Variants in JADE2 observed in about 807,000 individuals in gnomAD.
JADE2 encodes the protein jade family PHD finger 2.
JADE2 carries 13 observed loss-of-function variants against 85.7 expected under a neutral mutation model. The ratio of observed to expected loss-of-function variants is 0.15; its 90% CI spans 0.10 to 0.24. JADE2 has a LOEUF of 0.24. Among genes scored for constraint, JADE2 ranks in the 10% least tolerant of loss-of-function variants. The pLI is 1.00. For synonymous variants in JADE2, 440 were observed against 456.1 expected (o/e 0.96, Z 0.45); for missense variants, 846 against 1,115.9 (o/e 0.76, Z 3.45).
At chr5:134,531,055 C>T (rs377569432) in intron 1 of JADE2, among the ~76,000 whole-genome samples, 47 of 152,280 alleles carry the variant, frequency 3.1e-4, no homozygotes, top group African/African-American at 1.0e-3. Context: ...ATGGGTATTC[C>T]GTGGACACTG....
chr5:134,578,967 C>G lies in JADE2; in HGVS notation c.2155C>G (p.Pro719Ala), dbSNP rs772806125. ...PILATPESPP[P>A]LAPETPDEAA... is the part of the protein sequence containing the mutation. ...CCTAGCCACCCCTGAAAGCCCCCCGCCACTGGCCCCTGAGACCCCGGACGA... is the reference window on the plus strand; with the variant it reads ...CCTAGCCACCCCTGAAAGCCCCCCGGCACTGGCCCCTGAGACCCCGGACGA... Residue 719 changes from proline to alanine, a missense_variant, in exon 12 of 12, where the codon CCA becomes GCA. By Grantham distance (27) the Pro-to-Ala change is conservative. Coordinates refer to ENST00000681547, the MANE Select transcript of JADE2 (RefSeq NM_001388185.1). The surrounding 1 kb of genome is among the most constrained non-coding windows in gnomAD (Gnocchi z 4.4). 1 of 1,613,288 alleles carries G rather than the reference C, an allele frequency of 6.2e-7. No homozygotes were observed.
intron 4 of JADE2, among the ~76,000 whole-genome samples, chr5:134,553,283 T>C (rs1762708185): frequency 6.6e-6 from 1 of 151,928 alleles, no homozygotes; most frequent in Non-Finnish European, 1.5e-5. Flanking sequence ...AAAGCAGTTC[T>C]GATGAGGGAA....
intron 9 of JADE2, among the ~76,000 whole-genome samples, chr5:134,567,512 G>C (rs1209946412): frequency 1.1e-4 from 16 of 152,138 alleles, no homozygotes; most frequent in Admixed American, 1.0e-3. Flanking sequence ...AGAGCATATG[G>C]GACCGTGTCA....
In JADE2 at chr5:134,579,249, G is replaced by A; in HGVS notation, c.2437G>A (p.Gly813Arg). The change falls in exon 12 of 12, where the codon GGG (glycine) becomes AGG (arginine). Residue 813 changes from glycine (G) to arginine (R), a missense_variant. Around this residue, in one of 9 missense-constraint regions of JADE2, gnomAD observed 300 missense variants for 300.7 expected, o/e 1.00. Transcript: ENST00000681547. The surrounding 1 kb of genome is among the most constrained non-coding windows in gnomAD (Gnocchi z 4.6). ...CTCAGATGTAGAGGCCGAGGACGGT[G>A]GGGTGCAGCGGGGTCCCCGGGAGGC... ...SDSDVEAEDGGVQRGPREAGA... is the reference protein window; with the variant it reads ...SDSDVEAEDGRVQRGPREAGA... 6.2e-7 allele frequency: 1 copy of A among 1,613,904 alleles called. No individual in the cohort carries two copies. Among genetic ancestry groups the A allele is most frequent in the East Asian group, 2.2e-5 (1 of 44,874 alleles).
chr5:134,579,277 G>C lies in JADE2; in HGVS notation c.2465G>C (p.Gly822Ala). Residue 822 changes from glycine (G) to alanine (A), a missense_variant, in exon 12 of 12, where the codon GGG (glycine) becomes GCG (alanine). Coordinates refer to ENST00000681547, the MANE Select transcript of JADE2 (RefSeq NM_001388185.1). This position sits in a 1 kb window ranked among gnomAD's most constrained non-coding sequence, Gnocchi z 4.6. ...GGVQRGPREAGAEEVVRMGVL... is the reference protein window; with the variant it reads ...GGVQRGPREAAAEEVVRMGVL... ...GTGCAGCGGGGTCCCCGGGAGGCAG[G>C]GGCAGAGGAGGTGGTCCGCATGGGC... The C allele has an allele frequency of 1.2e-6, 2 of 1,612,988 alleles. No homozygotes were observed. Among genetic ancestry groups the C allele is most frequent in the South Asian group, 2.2e-5 (2 of 91,040 alleles).
rs763968541 is a variant in JADE2 at position 134,579,280 on chromosome 5, C to T, written c.2468C>T (p.Ala823Val). Residue 823 changes from alanine (A) to valine (V), a missense_variant, in exon 12 of 12, where the codon GCA (alanine) becomes GTA (valine). Transcript: ENST00000681547. This position sits in a 1 kb window ranked among gnomAD's most constrained non-coding sequence, Gnocchi z 4.6. ...CAGCGGGGTCCCCGGGAGGCAGGGG[C>T]AGAGGAGGTGGTCCGCATGGGCGTA... ...GVQRGPREAG[A>V]EEVVRMGVLA... 2.5e-6 allele frequency: 4 copies of T among 1,612,664 alleles called. No homozygotes were observed. The South Asian group carries it at 4.4e-5, about 18-fold the overall frequency.
Position 134,578,047 on chromosome 5 carries a change from G to A in JADE2, c.1682-447G>A, listed in dbSNP as rs1437790073. Among the ~76,000 whole-genome samples, 4 of 152,142 alleles carry A rather than the reference G, an allele frequency of 2.6e-5. No individual in the cohort carries two copies. Among genetic ancestry groups the A allele is most frequent in the Admixed American group, 6.5e-5 (1 of 15,272 alleles). On this transcript the variant is annotated intron_variant, in intron 11 of 11. Transcript: ENST00000681547. The surrounding 1 kb of genome is among the most constrained non-coding windows in gnomAD (Gnocchi z 4.4). ...GGGGGTAGTGGGCAGGTCCAACTTCGTGGGTAGCAACCTGTGCAGTGCCAC... is the reference window on the plus strand; with the variant it reads ...GGGGGTAGTGGGCAGGTCCAACTTCATGGGTAGCAACCTGTGCAGTGCCAC...
chr5:134,526,186 C>A (rs370585780), intron 1 of JADE2, 175 bp downstream of exon 1: 1 of 985,522 alleles, frequency 1.0e-6, no homozygotes. Flanking sequence ...GGGGGATGCA[C>A]AGCACAGGGG....
intron 1 of JADE2, among the ~76,000 whole-genome samples, chr5:134,532,405 T>C (rs1214837568): frequency 6.6e-6 from 1 of 152,124 alleles, no homozygotes; most frequent in East Asian, 1.9e-4. Flanking sequence ...TTTTGCTTCA[T>C]TGAGGGGACT....
rs1217256392 is a variant in JADE2, at chr5:134,560,918, G to A, written c.645G>A (p.Glu215=). The change falls in exon 6 of 12, where the codon GAG becomes GAA. Residue 215 remains glutamate, a synonymous_variant. Transcript: ENST00000681547. ...CRSPEGEDGN[E]MVFCDKCNVC... The stretch of plus-strand genomic sequence containing the variant: ...CTCCTGAGGGCGAGGATGGCAACGA[G>A]ATGGTCTTCTGTGACAAGTGCAACG... The A allele has an allele frequency of 6.2e-7, 1 of 1,614,046 alleles. No homozygotes were observed. The highest frequency in any genetic ancestry group is 8.5e-7 in the Non-Finnish European group (1 of 1,180,010).
intron 3 of JADE2, among the ~76,000 whole-genome samples, chr5:134,539,058 T>A (rs1437737141): frequency 6.8e-6 from 1 of 147,992 alleles, no homozygotes; most frequent in Non-Finnish European, 1.5e-5. Flanking sequence ...TTTATTTATT[T>A]ATTTATTTAT....
chr5:134,540,385 AT>A lies in JADE2; in HGVS notation c.153+2313del, dbSNP rs1327455496. Among the ~76,000 whole-genome samples the A allele has an allele frequency of 1.0e-3, 148 of 142,976 alleles. 1 individual carries two copies. Among genetic ancestry groups the A allele is most frequent in the African/African-American group, 2.0e-3 (78 of 38,842 alleles). 93.8% of individuals were successfully genotyped at this position (142,976 alleles called of 152,430 possible). A position where few individuals can be genotyped will look rare whatever the true frequency, so the allele number is the denominator to read the frequency against. ...AGGTGCACACCACTATGCCTGGCTA[AT>A]TTTTTTTTTTGTCTTTTTTTTTTTT... is the stretch of plus-strand genomic sequence containing the variant. On this transcript the variant is annotated intron_variant, in intron 3 of 11. Transcript: ENST00000681547.
chr5:134,540,648 T>C, intron 3 of JADE2, among the ~76,000 whole-genome samples: 1 of 152,314 alleles, frequency 6.6e-6, no homozygotes, highest in East Asian at 1.9e-4. Context: ...GTCGTGCCCA[T>C]TTCAGACATG....
At chr5:134,534,532 A>G (rs1275601695) in intron 1 of JADE2, among the ~76,000 whole-genome samples, 3 of 152,088 alleles carry the variant, frequency 2.0e-5, no homozygotes, top group Non-Finnish European at 2.9e-5. Context: ...CAGGAGGGCC[A>G]TCCTGGTCAG....
chr5:134,530,320 G>C (rs1761152070), intron 1 of JADE2, among the ~76,000 whole-genome samples: 1 of 152,268 alleles, frequency 6.6e-6, no homozygotes, highest in Non-Finnish European at 1.5e-5. Flanking sequence ...GACAGGGAGA[G>C]TTTTTGTTTC....
Position 134,525,856 on chromosome 5 carries a change from C to T in JADE2, c.-156C>T, listed in dbSNP as rs893281325. On this transcript the variant is annotated 5_prime_UTR_variant, in exon 1 of 12. Transcript: ENST00000681547. ...GGGGCCTGGGACGCCGCGGGCCCGG[C>T]CGCCTCCCTCGCCGCGACCCCGGAT... 8.6e-5 allele frequency: 85 copies of T among 989,802 alleles called. No individual in the cohort carries two copies. Among genetic ancestry groups the T allele is most frequent in the Middle Eastern group, 3.3e-4 (1 of 3,076 alleles). 61.3% of individuals were successfully genotyped at this position (989,802 alleles called of 1,614,324 possible).
At chr5:134,537,684 C>T (rs773848236) in intron 2 of JADE2, among the ~76,000 whole-genome samples, 1 of 152,170 alleles carries the variant, frequency 6.6e-6, no homozygotes, top group Non-Finnish European at 1.5e-5. Flanking sequence ...CTTATTCCAG[C>T]TGTCTTTGAG....
chr5:134,536,624 T>C (rs1761603758), intron 2 of JADE2: 1 of 152,230 alleles, frequency 6.6e-6, no homozygotes. Flanking sequence ...TACTAGGTCA[T>C]AAGGCAGCTC....
At chr5:134,554,718 T>C (rs984537197) in intron 4 of JADE2, among the ~76,000 whole-genome samples, 1 of 152,092 alleles carries the variant, frequency 6.6e-6, no homozygotes, top group East Asian at 1.9e-4. Flanking sequence ...AAGTGCTCCC[T>C]TAGAGACATC....
Sources: allele counts gnomAD v4.1 joint callset (sites outside exome capture counted in the v4.1 genomes callset), GRCh38; gene constraint gnomAD v4.1.1; regional missense constraint gnomAD v4.1.1; non-coding constraint Gnocchi (gnomAD v3.1); transcripts MANE v1.5; gene names NCBI Gene and HGNC (gene_info 2026-07-23, HGNC 2026-07-21).